Variants in AGBL4 observed in about 807,000 individuals in gnomAD.
AGBL4 encodes AGBL carboxypeptidase 4, also known as cytosolic carboxypeptidase 6.
A neutral mutation model predicts 66.4 loss-of-function variants in AGBL4; 58 were observed. The observed-to-expected ratio is 0.87, with a 90% CI of 0.71 to 1.09. The LOEUF (loss-of-function observed/expected upper bound fraction) is 1.09, where lower values mean the gene tolerates loss of function less well. Among genes scored for constraint, AGBL4 ranks in the 50% least tolerant of loss-of-function variants. The pLI is 0.00. For synonymous variants in AGBL4, 234 were observed against 222.9 expected (o/e 1.05, Z -0.44); for missense variants, 579 against 631.0 (o/e 0.92, Z 0.88).
At position 49,731,218 on chromosome 1, in the gene AGBL4, T is replaced by C. The variant is rs1441913341; in HGVS notation, c.158-33781A>G. Among the ~76,000 whole-genome samples, 3 of 152,190 alleles carry C rather than the reference T, an allele frequency of 2.0e-5. No homozygotes were observed. In the East Asian group the frequency reaches 5.8e-4, roughly 29 times the overall value. On this transcript the variant is annotated intron_variant, in intron 2 of 13. Coordinates refer to ENST00000371839, the MANE Select transcript of AGBL4 (RefSeq NM_032785.4). ...CATTTAGTCTTCCCCATGACTCCTA[T>C]AATCACTTCCTCTCATTTCTCCATC...
chr1:49,395,621 G>A (rs1229155230), intron 3 of AGBL4, among the ~76,000 whole-genome samples: 2 of 147,806 alleles, frequency 1.4e-5, no homozygotes, highest in Non-Finnish European at 3.0e-5. Context: ...CACATGTGAG[G>A]GATCTAAGTT....
chr1:49,908,565 C>G (rs1039564732), intron 1 of AGBL4, among the ~76,000 whole-genome samples: 1 of 152,142 alleles, frequency 6.6e-6, no homozygotes, highest in Non-Finnish European at 1.5e-5. Context: ...TCTGCAGAAC[C>G]GTGAGCCAAT....
intron 5 of AGBL4, among the ~76,000 whole-genome samples, chr1:48,875,894 T>C (rs1423534779): frequency 1.3e-5 from 2 of 152,112 alleles, no homozygotes; most frequent in East Asian, 1.9e-4. Flanking sequence ...CCCATACTGA[T>C]TGCCTCTGAA....
intron 12 of AGBL4, among the ~76,000 whole-genome samples, chr1:48,539,061 C>T (rs1356870703): frequency 1.6e-4 from 25 of 152,232 alleles, no homozygotes; most frequent in Non-Finnish European, 4.4e-5. Flanking sequence ...GGAGGCTCAC[C>T]TCCTGACCTT....
rs186171700 is a variant in AGBL4 at position 49,161,374 on chromosome 1, G to C, written c.377+84396C>G. Among the ~76,000 whole-genome samples, 235 of 152,170 alleles carry C rather than the reference G, an allele frequency of 1.5e-3. 1 individual carries two copies. Among genetic ancestry groups the C allele is most frequent in the Non-Finnish European group, 2.0e-3 (139 of 68,004 alleles). Reference sequence around the variant, plus strand: ...GCCCTGCTTTGGGTCACCCTCCATGGACTGCAACCACTGTCCAACCAGTCC... The same window carrying C: ...GCCCTGCTTTGGGTCACCCTCCATGCACTGCAACCACTGTCCAACCAGTCC... On this transcript the variant is annotated intron_variant, in intron 4 of 13. Coordinates refer to ENST00000371839, the MANE Select transcript of AGBL4 (RefSeq NM_032785.4).
Position 49,473,306 on chromosome 1 carries a change from T to A in AGBL4, c.282+224007A>T, listed in dbSNP as rs118185345. Among the ~76,000 whole-genome samples, 428 of 152,180 alleles carry A rather than the reference T, an allele frequency of 2.8e-3. 11 individuals carry two copies. The East Asian group carries it at 0.074, about 26-fold the overall frequency. ...TTCTTCACAACCTCACCAACATCTG[T>A]TATGTTTTGACTTTTTAATAATAGC... On this transcript the variant is annotated intron_variant, in intron 3 of 13. Coordinates refer to ENST00000371839, the MANE Select transcript of AGBL4 (RefSeq NM_032785.4).
intron 9 of AGBL4, 42 bp from the exon 10 acceptor site, chr1:48,591,027 G>A: frequency 6.4e-7 from 1 of 1,556,414 alleles, no homozygotes; most frequent in Non-Finnish European, 8.7e-7. Context: ...CTGGGCTGTA[G>A]AGCTTGTGTA....
intron 5 of AGBL4, among the ~76,000 whole-genome samples, chr1:49,040,487 A>C (rs1310743212): frequency 6.6e-6 from 1 of 152,086 alleles, no homozygotes; most frequent in Non-Finnish European, 1.5e-5. Flanking sequence ...ATGTCCACTC[A>C]AAGATAAGTA....
chr1:49,950,245 T>G (rs970652961), intron 1 of AGBL4, among the ~76,000 whole-genome samples: 11 of 150,496 alleles, frequency 7.3e-5, no homozygotes, highest in Non-Finnish European at 1.3e-4. Context: ...ACTAATGGTA[T>G]TCATGGCAAC....
At chr1:48,726,782 C>T (rs1464023450) in intron 6 of AGBL4, among the ~76,000 whole-genome samples, 2 of 152,200 alleles carry the variant, frequency 1.3e-5, no homozygotes, top group African/African-American at 4.8e-5. Context: ...ACAATAACAG[C>T]CAATAATCAG....
chr1:49,494,137 G>GGAAT (rs1207449033), intron 3 of AGBL4, among the ~76,000 whole-genome samples: 14 of 151,884 alleles, frequency 9.2e-5, no homozygotes, highest in Non-Finnish European at 1.8e-4. Flanking sequence ...CCCTTACCCA[G>GGAAT]TCTTAACAAT....
intron 4 of AGBL4, among the ~76,000 whole-genome samples, chr1:49,183,201 G>C (rs536345194): frequency 6.6e-6 from 1 of 152,252 alleles, no homozygotes; most frequent in Non-Finnish European, 1.5e-5. Context: ...CATTCCCTCT[G>C]TATCCCAGAC....
rs371351718 is a variant in AGBL4 at position 48,663,263 on chromosome 1, G to C, written c.635-22C>G. The C allele has an allele frequency of 4.3e-6, 7 of 1,612,834 alleles. No individual in the cohort carries two copies. In the African/African-American group the frequency reaches 5.3e-5, roughly 12 times the overall value. ...TTGTCTGTAAGATAAAATGAAAGAT[G>C]GTTGCTAAGGAGGGCAAGAAAAGCT... On this transcript the variant is annotated intron_variant, in intron 6 of 13. Coordinates refer to ENST00000371839, the MANE Select transcript of AGBL4 (RefSeq NM_032785.4).
chr1:50,009,533 C>T (rs1456718101), intron 1 of AGBL4, among the ~76,000 whole-genome samples: 1 of 149,890 alleles, frequency 6.7e-6, no homozygotes, highest in African/African-American at 2.4e-5. Context: ...CAATAAAAAA[C>T]CTAAAGACAG....
chr1:49,094,856 A>T (rs1645066057), intron 4 of AGBL4, among the ~76,000 whole-genome samples: 1 of 152,162 alleles, frequency 6.6e-6, no homozygotes, highest in Admixed American at 6.6e-5. Context: ...GCAGAAGGAA[A>T]TAAAGGGTAT....
At chr1:49,875,076 T>A (rs1004954354) in intron 1 of AGBL4, among the ~76,000 whole-genome samples, 2 of 150,158 alleles carry the variant, frequency 1.3e-5, no homozygotes, top group South Asian at 4.2e-4. Flanking sequence ...ATATGTGGTA[T>A]TTGGTTTTTT....
chr1:49,408,497 A>C, intron 3 of AGBL4, among the ~76,000 whole-genome samples: 1 of 152,226 alleles, frequency 6.6e-6, no homozygotes. Context: ...AAGGAGATTA[A>C]CATTTGAGTC....
chr1:49,094,623 A>T (rs1645060289), intron 4 of AGBL4, among the ~76,000 whole-genome samples: 2 of 152,110 alleles, frequency 1.3e-5, no homozygotes, highest in South Asian at 4.1e-4. Context: ...ATCGATGTTC[A>T]TCAGGGATAT....
chr1:48,571,508 G>A (rs892989235), intron 11 of AGBL4, among the ~76,000 whole-genome samples: 1 of 152,218 alleles, frequency 6.6e-6, no homozygotes, highest in African/African-American at 2.4e-5. Flanking sequence ...TTCATCAGGG[G>A]ACACTATGAG....
Sources: allele counts gnomAD v4.1 joint callset (sites outside exome capture counted in the v4.1 genomes callset), GRCh38; gene constraint gnomAD v4.1.1; transcripts MANE v1.5; gene names NCBI Gene and HGNC (gene_info 2026-07-23, HGNC 2026-07-21).